Variants in CSMD1 observed in about 807,000 individuals in gnomAD.
CSMD1 encodes the protein CUB and Sushi multiple domains 1, also known as CUB and sushi domain-containing protein 1.
CSMD1 carries 213 observed loss-of-function variants against 417.5 expected under a neutral mutation model. That is an observed-to-expected ratio of 0.51 (90% CI 0.46 to 0.57). The LOEUF (loss-of-function observed/expected upper bound fraction) is 0.57, where lower values mean the gene tolerates loss of function less well. CSMD1 is among the 20% of genes least tolerant of loss of function. The pLI, the probability that CSMD1 is intolerant of heterozygous loss-of-function variation, is 0.00. For synonymous variants in CSMD1, 2,862 were observed against 1,736.8 expected (o/e 1.65, Z -16.11); for missense variants, 6,923 against 4,529.7 (o/e 1.53, Z -15.17).
At chr8:4,752,432 G>C (rs775800031) in intron 1 of CSMD1, among the ~76,000 whole-genome samples, 2 of 152,128 alleles carry the variant, frequency 1.3e-5, no homozygotes, top group Non-Finnish European at 2.9e-5. Context: ...GTGACTGATT[G>C]TTTCATAAAA....
chr8:4,340,634 C>T (rs1431287622), intron 3 of CSMD1, among the ~76,000 whole-genome samples: 3 of 152,040 alleles, frequency 2.0e-5, no homozygotes, highest in Non-Finnish European at 2.9e-5. Context: ...TGCCAATGAG[C>T]CAAGTGGAGC....
intron 6 of CSMD1, among the ~76,000 whole-genome samples, chr8:3,729,390 C>A (rs1408511832): frequency 6.6e-6 from 1 of 152,132 alleles, no homozygotes; most frequent in African/African-American, 2.4e-5. Flanking sequence ...CAGTTGTGCT[C>A]AGTCAGTTCT....
At chr8:4,220,098 T>C (rs1040418310) in intron 3 of CSMD1, among the ~76,000 whole-genome samples, 25 of 152,160 alleles carry the variant, frequency 1.6e-4, no homozygotes, top group African/African-American at 5.8e-4. Flanking sequence ...TACAGGCACG[T>C]GCCACCATGC....
At chr8:4,701,831 G>T (rs1360686964) in intron 1 of CSMD1, among the ~76,000 whole-genome samples, 1 of 152,142 alleles carries the variant, frequency 6.6e-6, no homozygotes, top group African/African-American at 2.4e-5. Flanking sequence ...TCTGGATGAA[G>T]AATCCCATGC....
At chr8:4,090,522 C>T (rs777550537) in intron 3 of CSMD1, among the ~76,000 whole-genome samples, 1 of 152,164 alleles carries the variant, frequency 6.6e-6, no homozygotes, top group Non-Finnish European at 1.5e-5. Flanking sequence ...AAGCTTTGTA[C>T]ACCTCTTCAT....
chr8:4,566,053 G>C (rs1798591144), intron 2 of CSMD1, among the ~76,000 whole-genome samples: 1 of 151,560 alleles, frequency 6.6e-6, no homozygotes, highest in Non-Finnish European at 1.5e-5. Context: ...AAGGTATTTT[G>C]CCTATGAGAT....
intron 19 of CSMD1, among the ~76,000 whole-genome samples, chr8:3,368,382 GC>G (rs1354317524): frequency 7.9e-5 from 12 of 152,162 alleles, no homozygotes; most frequent in African/African-American, 2.9e-4. Flanking sequence ...TATCTCCTAG[GC>G]TGGAGTACAG....
intron 3 of CSMD1, among the ~76,000 whole-genome samples, chr8:4,147,448 C>G (rs1178954560): frequency 6.6e-6 from 1 of 152,226 alleles, no homozygotes; most frequent in East Asian, 1.9e-4. Context: ...CTGGAAAGTC[C>G]CACGCCTCAT....
rs375023747 is a variant in CSMD1 at position 4,153,927 on chromosome 8, T to C, written c.416-121828A>G. Among the ~76,000 whole-genome samples, 33 of 152,244 alleles carry C rather than the reference T, an allele frequency of 2.2e-4. 1 individual carries two copies. Among genetic ancestry groups the C allele is most frequent in the African/African-American group, 8.0e-4 (33 of 41,460 alleles). The stretch of plus-strand genomic sequence containing the variant: ...TCATCTAACCCAGCCAACGAGGCAC[T>C]GTGGATCCTGCTTTCAAGTGTTTTC... On this transcript the variant is annotated intron_variant, in intron 3 of 69. Coordinates refer to ENST00000635120, the MANE Select transcript of CSMD1 (RefSeq NM_033225.6).
At chr8:3,428,424 C>T (rs1032237454) in intron 12 of CSMD1, among the ~76,000 whole-genome samples, 5 of 151,942 alleles carry the variant, frequency 3.3e-5, no homozygotes, top group East Asian at 1.9e-4. Context: ...GCACGAGAAA[C>T]GAAACTGTCA....
chr8:3,019,257 C>CT (rs148075454), intron 51 of CSMD1, among the ~76,000 whole-genome samples: 8,361 of 152,224 alleles, frequency 0.055, 238 homozygotes, highest in African/African-American at 0.074. Flanking sequence ...ACAGGTATAG[C>CT]TGAACCATTC....
At chr8:3,969,462 G>A (rs544094468) in intron 5 of CSMD1, among the ~76,000 whole-genome samples, 2 of 152,128 alleles carry the variant, frequency 1.3e-5, no homozygotes, top group East Asian at 3.9e-4. Context: ...TGTTGTTTAA[G>A]ATCCTGGTCT....
rs141564433 is a variant in CSMD1, at chr8:4,392,019, GGTAA to G, written c.415+27930_415+27933del. ...AGCATCAATCCTAAACTTGTGAGTG[GGTAA>G]GTGAGTCCCAGGGTTTTGGGGGCAA... On this transcript the variant is annotated intron_variant, in intron 3 of 69. Coordinates refer to ENST00000635120, the MANE Select transcript of CSMD1 (RefSeq NM_033225.6). Among the ~76,000 whole-genome samples the G allele has an allele frequency of 5.9e-3, 895 of 152,272 alleles. 7 individuals carry two copies. The highest frequency in any genetic ancestry group is 0.02 in the African/African-American group (825 of 41,552).
At chr8:4,237,104 C>T (rs1420089123) in intron 3 of CSMD1, among the ~76,000 whole-genome samples, 1 of 152,188 alleles carries the variant, frequency 6.6e-6, no homozygotes, top group African/African-American at 2.4e-5. Flanking sequence ...TCACTATCCT[C>T]CATCAAGAAC....
At chr8:4,794,393 T>C (rs548451614) in intron 1 of CSMD1, among the ~76,000 whole-genome samples, 14 of 152,280 alleles carry the variant, frequency 9.2e-5, no homozygotes, top group African/African-American at 3.1e-4. Flanking sequence ...CATTAGAAAA[T>C]CAAGACACTA....
At chr8:2,943,100 A>G (rs571085954) in intron 68 of CSMD1, among the ~76,000 whole-genome samples, 1 of 152,322 alleles carries the variant, frequency 6.6e-6, no homozygotes, top group Non-Finnish European at 1.5e-5. Flanking sequence ...TATTTTACGT[A>G]CATTCTGAAA....
intron 3 of CSMD1, among the ~76,000 whole-genome samples, chr8:4,251,852 G>C (rs939372145): frequency 1.4e-5 from 2 of 144,482 alleles, no homozygotes; most frequent in African/African-American, 5.0e-5. Flanking sequence ...TGCAGGAGGA[G>C]AGATGGAGGA....
At chr8:3,242,260 G>A (rs961614868) in intron 26 of CSMD1, among the ~76,000 whole-genome samples, 1 of 151,660 alleles carries the variant, frequency 6.6e-6, no homozygotes, top group East Asian at 2.0e-4. Flanking sequence ...AACGGAGGCT[G>A]AGGAAGATTT....
chr8:4,122,751 G>A (rs1169913477), intron 3 of CSMD1, among the ~76,000 whole-genome samples: 1 of 152,102 alleles, frequency 6.6e-6, no homozygotes, highest in Non-Finnish European at 1.5e-5. Context: ...TGTGAAAGGG[G>A]AAGATTTCTG....
Sources: allele counts gnomAD v4.1 joint callset (sites outside exome capture counted in the v4.1 genomes callset), GRCh38; gene constraint gnomAD v4.1.1; transcripts MANE v1.5; gene names NCBI Gene and HGNC (gene_info 2026-07-23, HGNC 2026-07-21).